The following PRKCA variants were observed in gnomAD, a reference collection of about 807,000 sequenced individuals.
PRKCA encodes the protein protein kinase C alpha.
Under a neutral mutation model 87.0 loss-of-function variants are expected in PRKCA, and 27 were observed. That is an observed-to-expected ratio of 0.31 (90% CI 0.23 to 0.43). The LOEUF (loss-of-function observed/expected upper bound fraction) is 0.43, where lower values mean the gene tolerates loss of function less well. PRKCA is among the 20% of genes least tolerant of loss of function. The pLI is 1.00. For missense variants in PRKCA, 518 were observed against 852.3 expected, an observed-to-expected ratio of 0.61 and a Z score of 4.88; for synonymous variants, 329 against 311.1, an observed-to-expected ratio of 1.06 and a Z score of -0.61.
intron 3 of PRKCA, among the ~76,000 whole-genome samples, chr17:66,574,783 G>C (rs540778142): frequency 9.7e-4 from 147 of 151,498 alleles, no homozygotes; most frequent in African/African-American, 3.4e-3. Flanking sequence ...TTGGCTAAGG[G>C]ATACCCAACC....
chr17:66,440,521 G>A (rs1913677088), intron 2 of PRKCA, among the ~76,000 whole-genome samples: 1 of 152,182 alleles, frequency 6.6e-6, no homozygotes, highest in Admixed American at 6.5e-5. Context: ...GTAGCAGAGA[G>A]ATGGGTATTC....
At chr17:66,720,995 G>C (rs1268763198) in intron 8 of PRKCA, among the ~76,000 whole-genome samples, 1 of 152,176 alleles carries the variant, frequency 6.6e-6, no homozygotes, top group East Asian at 1.9e-4. Context: ...TTACTGGAAA[G>C]AAGTCCCAAT....
At chr17:66,723,691 A>G (rs915762045) in intron 8 of PRKCA, among the ~76,000 whole-genome samples, 1 of 152,020 alleles carries the variant, frequency 6.6e-6, no homozygotes, top group African/African-American at 2.4e-5. Flanking sequence ...ATGGGGTGCT[A>G]CACTAGAGTC....
chr17:66,552,129 C>T (rs1364400692), intron 3 of PRKCA, among the ~76,000 whole-genome samples: 1 of 152,026 alleles, frequency 6.6e-6, no homozygotes, highest in East Asian at 1.9e-4. Context: ...AAAATCCCAT[C>T]TCTAGGAAAA....
At chr17:66,635,056 GA>G (rs1183565403) in intron 3 of PRKCA, among the ~76,000 whole-genome samples, 1 of 152,206 alleles carries the variant, frequency 6.6e-6, no homozygotes, top group African/African-American at 2.4e-5. Context: ...CCTGGAGGAG[GA>G]AGGAGACTTT....
At chr17:66,603,522 T>C (rs1439638105) in intron 3 of PRKCA, among the ~76,000 whole-genome samples, 1 of 152,174 alleles carries the variant, frequency 6.6e-6, no homozygotes, top group East Asian at 1.9e-4. Flanking sequence ...ATGCTTCTGT[T>C]GTGGGCTTTG....
chr17:66,377,715 A>T lies in PRKCA; in HGVS notation c.205+71588A>T, dbSNP rs58503230. On this transcript the variant is annotated intron_variant, in intron 2 of 16. Transcript: ENST00000413366. ...AAGTCTATGTTTTATATATATATATATATATATTTTTTTTTTTTTTTTTTT... is the reference window on the plus strand; with the variant it reads ...AAGTCTATGTTTTATATATATATATTTATATATTTTTTTTTTTTTTTTTTT... Among the ~76,000 whole-genome samples the T allele has an allele frequency of 2.0e-3, 129 of 65,672 alleles. 6 individuals carry two copies. The highest frequency in any genetic ancestry group is 6.5e-3 in the African/African-American group (122 of 18,822). The allele number at this position is 65,672 out of a possible 152,430, so 43.1% of individuals were successfully genotyped here. A position where few individuals can be genotyped will look rare whatever the true frequency, so the allele number is the denominator to read the frequency against.
At chr17:66,739,287 C>A (rs561433416) in intron 11 of PRKCA, among the ~76,000 whole-genome samples, 2 of 152,280 alleles carry the variant, frequency 1.3e-5, no homozygotes, top group African/African-American at 4.8e-5. Flanking sequence ...GGCAGATATA[C>A]TGGTAGGATC....
intron 2 of PRKCA, among the ~76,000 whole-genome samples, chr17:66,424,974 C>G (rs1250576989): frequency 6.6e-6 from 1 of 152,018 alleles, no homozygotes; most frequent in Non-Finnish European, 1.5e-5. Flanking sequence ...GTTGCCCAGG[C>G]TGGTCTCGAA....
chr17:66,314,758 G>C (rs982917886), intron 2 of PRKCA, among the ~76,000 whole-genome samples: 16 of 152,170 alleles, frequency 1.1e-4, no homozygotes, highest in African/African-American at 3.9e-4. Flanking sequence ...GTTGAATTGA[G>C]AGTAAAATTC....
intron 3 of PRKCA, among the ~76,000 whole-genome samples, chr17:66,586,837 A>T (rs549752571): frequency 6.6e-6 from 1 of 152,288 alleles, no homozygotes; most frequent in South Asian, 2.1e-4. Flanking sequence ...CTCAGTCGGG[A>T]TACATAAAGA....
At chr17:66,304,358 G>C (rs1899637927) in intron 1 of PRKCA, among the ~76,000 whole-genome samples, 1 of 152,204 alleles carries the variant, frequency 6.6e-6, no homozygotes, top group African/African-American at 2.4e-5. Context: ...GGAGCTCTAG[G>C]TCCTCTAGTT....
At chr17:66,390,745 A>G (rs1002989900) in intron 2 of PRKCA, among the ~76,000 whole-genome samples, 20 of 152,224 alleles carry the variant, frequency 1.3e-4, no homozygotes, top group East Asian at 1.9e-4. Flanking sequence ...ACTGTCTGCA[A>G]CTTGAAGCCT....
chr17:66,719,236 C>T (rs1375710020), intron 8 of PRKCA, among the ~76,000 whole-genome samples: 2 of 151,982 alleles, frequency 1.3e-5, no homozygotes, highest in East Asian at 1.9e-4. Context: ...ACAGTAGAGC[C>T]GTGTAGTAGG....
intron 3 of PRKCA, among the ~76,000 whole-genome samples, chr17:66,572,669 G>T (rs985762467): frequency 3.3e-4 from 50 of 151,966 alleles, no homozygotes; most frequent in African/African-American, 1.2e-3. Flanking sequence ...CTGGCTTTTT[G>T]ATTTTTTTGT....
At position 66,654,007 on chromosome 17, in the gene PRKCA, A is replaced by G. The variant is rs145071161; in HGVS notation, c.529+8496A>G. ...TTCTGAAAGTGATAGGCATTGTTGCATTAATTTTCCCTGGGGAGAGGCACA... is the reference window on the plus strand; with the variant it reads ...TTCTGAAAGTGATAGGCATTGTTGCGTTAATTTTCCCTGGGGAGAGGCACA... On this transcript the variant is annotated intron_variant, in intron 5 of 16. Coordinates refer to ENST00000413366, the MANE Select transcript of PRKCA (RefSeq NM_002737.3). Among the ~76,000 whole-genome samples, 785 of 152,312 alleles carry G rather than the reference A, an allele frequency of 5.2e-3. 11 individuals carry two copies. The highest frequency in any genetic ancestry group is 0.016 in the African/African-American group (676 of 41,566).
chr17:66,717,491 G>A (rs947681238), intron 8 of PRKCA, among the ~76,000 whole-genome samples: 2 of 152,188 alleles, frequency 1.3e-5, no homozygotes, highest in Non-Finnish European at 2.9e-5. Flanking sequence ...TGCCCCCTGG[G>A]CTCATTCTCC....
At chr17:66,461,165 C>T (rs62070448) in intron 2 of PRKCA, among the ~76,000 whole-genome samples, 15,741 of 143,650 alleles carry the variant, frequency 0.11, 1,072 homozygotes, top group Middle Eastern at 0.21. Context: ...ATGTTCACGT[C>T]ACTGCACTCC....
In PRKCA at chr17:66,594,925, T is replaced by TTCA. The variant is rs913562222; in HGVS notation, c.289-46430_289-46429insTCA. Among the ~76,000 whole-genome samples, 31 of 152,330 alleles carry TTCA rather than the reference T, an allele frequency of 2.0e-4. 1 individual carries two copies. Among genetic ancestry groups the TTCA allele is most frequent in the Admixed American group, 9.1e-4 (14 of 15,304 alleles). On this transcript the variant is annotated intron_variant, in intron 3 of 16. Transcript: ENST00000413366. The stretch of plus-strand genomic sequence containing the variant: ...GTTTCCTAGGGCTGCCATAACAAAT[T>TTCA]GCCACATTTCGGTGGCTGAAAACAA...
Sources: allele counts gnomAD v4.1 joint callset (sites outside exome capture counted in the v4.1 genomes callset), GRCh38; gene constraint gnomAD v4.1.1; transcripts MANE v1.5; gene names NCBI Gene and HGNC (gene_info 2026-07-23, HGNC 2026-07-21).